Variants in THNSL1 observed in about 807,000 individuals in gnomAD.
The protein encoded by THNSL1 is threonine synthase like 1.
Under a neutral mutation model 50.4 loss-of-function variants are expected in THNSL1, and 48 were observed. That is an observed-to-expected ratio of 0.95 (90% CI 0.76 to 1.21). The LOEUF is 1.21. Ranked by LOEUF, THNSL1 falls within the 50% of genes most tolerant of loss-of-function variation. THNSL1 has a pLI of 0.00. For synonymous variants in THNSL1, 309 were observed against 306.1 expected, an observed-to-expected ratio of 1.01 and a Z score of -0.10; for missense variants, 896 against 871.7, an observed-to-expected ratio of 1.03 and a Z score of -0.35.
the THNSL1 span, among the ~76,000 whole-genome samples, chr10:24,969,754 T>C: frequency 2.0e-5 from 3 of 152,358 alleles, no homozygotes; most frequent in South Asian, 6.2e-4. Flanking sequence ...CATGAATATT[T>C]CTTATAACAT....
chr10:25,005,800 T>C, the THNSL1 span, among the ~76,000 whole-genome samples: 1 of 152,214 alleles, frequency 6.6e-6, no homozygotes, highest in Non-Finnish European at 1.5e-5. Flanking sequence ...CACAGGCATA[T>C]GTCATTGAGT....
At chr10:24,960,175 T>C in the THNSL1 span, among the ~76,000 whole-genome samples, 445 of 152,304 alleles carry the variant, frequency 2.9e-3, 1 homozygote, top group Middle Eastern at 6.8e-3. Context: ...TCAGTGACCA[T>C]GTGGTAGCTT....
intron 1 of THNSL1, among the ~76,000 whole-genome samples, chr10:25,020,238 ATATATCTATATC>A (rs1554772119): frequency 3.0e-4 from 38 of 126,634 alleles, no homozygotes; most frequent in Middle Eastern, 8.1e-3. Context: ...TTTCTTTAAA[ATATATCTATATC>A]TATATCTATA....
the THNSL1 span, among the ~76,000 whole-genome samples, chr10:24,958,848 C>T: frequency 4.6e-5 from 7 of 152,134 alleles, no homozygotes; most frequent in Admixed American, 2.6e-4. Flanking sequence ...CCCTTCTGAC[C>T]GGAACAGGAA....
chr10:25,016,099 G>A, upstream of THNSL1: 1 of 1,301,334 alleles, frequency 7.7e-7, no homozygotes, highest in Non-Finnish European at 9.8e-7. Flanking sequence ...CCTCTTAGCA[G>A]TCCTCTCTCG....
At chr10:24,984,510 A>C in the THNSL1 span, 6 of 1,234,558 alleles carry the variant, frequency 4.9e-6, no homozygotes, top group Non-Finnish European at 6.6e-6. Flanking sequence ...CATATTCTCA[A>C]ATTTAATAGT....
At chr10:24,984,484 T>C in the THNSL1 span, 1 of 1,337,810 alleles carries the variant, frequency 7.5e-7, no homozygotes, top group South Asian at 1.4e-5. Context: ...ATGAATTACA[T>C]TGTGGAACTG....
chr10:25,017,256 C>T (rs1850619874), intron 1 of THNSL1, among the ~76,000 whole-genome samples: 1 of 152,160 alleles, frequency 6.6e-6, no homozygotes, highest in African/African-American at 2.4e-5. Flanking sequence ...CGGTTTTATT[C>T]CTTTTTGTTC....
rs1427625713 is a variant in THNSL1 at position 25,025,281 on chromosome 10, G to T, written c.2058G>T (p.Glu686Asp). Reference sequence around the variant, plus strand: ...CTTTAAAGATTAAAGAAATCAATGAGACTTCATCAAGTCAGCTCTATTTGC... The same window carrying T: ...CTTTAAAGATTAAAGAAATCAATGATACTTCATCAAGTCAGCTCTATTTGC... ...MQALKIKEIN[E>D]TSSSQLYLLG... Residue 686 changes from glutamate (E) to aspartate (D), a missense_variant, in exon 3 of 3, where the codon GAG becomes GAT. Glu to Asp is a conservative substitution (Grantham distance 45, BLOSUM62 2). Transcript: ENST00000376356. 21 of 1,614,012 alleles carry T rather than the reference G, an allele frequency of 1.3e-5. No homozygotes were observed. The highest frequency in any genetic ancestry group is 1.4e-5 in the Non-Finnish European group (17 of 1,180,038).
At chr10:24,988,116 C>T in the THNSL1 span, among the ~76,000 whole-genome samples, 6 of 151,058 alleles carry the variant, frequency 4.0e-5, no homozygotes, top group Non-Finnish European at 7.4e-5. Context: ...TTCAGCTACT[C>T]GGGAGGCTGA....
At chr10:24,972,977 A>G in the THNSL1 span, among the ~76,000 whole-genome samples, 1 of 152,230 alleles carries the variant, frequency 6.6e-6, no homozygotes, top group Non-Finnish European at 1.5e-5. Flanking sequence ...ATTAAGCTTT[A>G]AATTATAAAT....
At chr10:25,007,466 G>A in the THNSL1 span, among the ~76,000 whole-genome samples, 57 of 152,020 alleles carry the variant, frequency 3.7e-4, no homozygotes, top group African/African-American at 1.3e-3. Context: ...ATGGAGTCTC[G>A]CACTTTCACC....
the THNSL1 span, among the ~76,000 whole-genome samples, chr10:24,979,329 T>C: frequency 3.9e-5 from 6 of 152,308 alleles, no homozygotes; most frequent in Non-Finnish European, 8.8e-5. Context: ...AGAAAAGGAT[T>C]CAATGGAAGA....
At chr10:25,006,380 G>A in the THNSL1 span, among the ~76,000 whole-genome samples, 66 of 152,194 alleles carry the variant, frequency 4.3e-4, no homozygotes, top group African/African-American at 1.3e-3. Context: ...GCAGCACACC[G>A]AGAACATTTG....
At chr10:25,008,772 C>T in the THNSL1 span, among the ~76,000 whole-genome samples, 5,429 of 151,998 alleles carry the variant, frequency 0.036, 228 homozygotes, top group African/African-American at 0.1. Flanking sequence ...ACCCAAAGGA[C>T]CATAAATCAT....
the THNSL1 span, among the ~76,000 whole-genome samples, chr10:24,966,434 T>G: frequency 6.6e-6 from 1 of 152,238 alleles, no homozygotes; most frequent in Non-Finnish European, 1.5e-5. Context: ...CCCAGTGCTG[T>G]GGGCCTTTTT....
At position 25,024,642 on chromosome 10, in the gene THNSL1, G is replaced by T. The variant is rs1319829145; in HGVS notation, c.1419G>T (p.Trp473Cys). Residue 473 changes from tryptophan to cysteine, a missense_variant, in exon 3 of 3, where the codon TGG becomes TGT. Coordinates refer to ENST00000376356, the MANE Select transcript of THNSL1 (RefSeq NM_024838.5). ...TILSSANSIN[W>C]GRLLPQVVYH... Reference sequence around the variant, plus strand: ...TAAGTTCGGCTAACTCCATAAACTGGGGCCGACTACTTCCGCAGGTAGTTT... The same window carrying T: ...TAAGTTCGGCTAACTCCATAAACTGTGGCCGACTACTTCCGCAGGTAGTTT... The T allele has an allele frequency of 3.1e-6, 5 of 1,614,082 alleles. No individual in the cohort carries two copies. Among genetic ancestry groups the T allele is most frequent in the Non-Finnish European group, 4.2e-6 (5 of 1,180,048 alleles).
Position 25,024,594 on chromosome 10 carries a change from T to C in THNSL1, c.1371T>C (p.Leu457=). The change falls in exon 3 of 3, where the codon CTT becomes CTC. Residue 457 remains leucine (L), a synonymous_variant. Transcript: ENST00000376356. Reference sequence around the variant, plus strand: ...ATGATTCTGATTTTACTGGCTTTCTTACTGTGGAATATGGAACAATCTTAA... The same window carrying C: ...ATGATTCTGATTTTACTGGCTTTCTCACTGTGGAATATGGAACAATCTTAA... ...IFNDSDFTGF[L]TVEYGTILSS... 2 of 1,614,192 alleles carry C rather than the reference T, an allele frequency of 1.2e-6. No homozygotes were observed. The highest frequency in any genetic ancestry group is 1.7e-6 in the Non-Finnish European group (2 of 1,180,026).
the THNSL1 span, among the ~76,000 whole-genome samples, chr10:24,959,044 T>C: frequency 2.0e-5 from 3 of 152,150 alleles, no homozygotes; most frequent in African/African-American, 7.2e-5. Context: ...TACATGACCC[T>C]AAAACAATAC....
Sources: allele counts gnomAD v4.1 joint callset (sites outside exome capture counted in the v4.1 genomes callset), GRCh38; gene constraint gnomAD v4.1.1; transcripts MANE v1.5; gene names NCBI Gene and HGNC (gene_info 2026-07-23, HGNC 2026-07-21).